ATAD3A: variants seen among roughly 807,000 people sequenced by gnomAD.
ATAD3A encodes ATPase family AAA domain-containing protein 3A.
In ATAD3A, 46 loss-of-function variants were observed where a neutral mutation model predicts 73.8. That is an observed-to-expected ratio of 0.62 (90% CI 0.49 to 0.80). The LOEUF is 0.80. Ranked by LOEUF, ATAD3A falls within the 30% of genes least tolerant of loss-of-function variation. The pLI is 0.00. For synonymous variants in ATAD3A, 319 were observed against 350.0 expected (o/e 0.91, Z 0.99); for missense variants, 705 against 838.0 (o/e 0.84, Z 1.96).
intron 1 of ATAD3A, among the ~76,000 whole-genome samples, chr1:1,513,822 C>A (rs534323573): frequency 2.0e-5 from 3 of 151,996 alleles, no homozygotes; most frequent in African/African-American, 7.3e-5. Context: ...GAGATTCGGC[C>A]GGAGCCCATT....
rs1168843536 is a variant in ATAD3A, at chr1:1,523,177, G to A, written c.906+278G>A. 3.3e-5 allele frequency among the ~76,000 whole-genome samples: 5 copies of A among 152,004 alleles called. No individual in the cohort carries two copies. Among genetic ancestry groups the A allele is most frequent in the South Asian group, 2.1e-4 (1 of 4,824 alleles). ...CTTGCAAGACCCGGGACTTGGGTGT[G>A]CGGCCGTCTATCAGGGAAGCTGCTA... On this transcript the variant is annotated intron_variant, in intron 8 of 15. Transcript: ENST00000378756. The surrounding 1 kb of genome is among the most constrained non-coding windows in gnomAD (Gnocchi z 5.1).
At chr1:1,532,617 C>G (rs1234269891) in intron 15 of ATAD3A, among the ~76,000 whole-genome samples, 1 of 152,200 alleles carries the variant, frequency 6.6e-6, no homozygotes, top group Non-Finnish European at 1.5e-5. Flanking sequence ...CTGCCAGGTC[C>G]CGTGCTTCCT....
chr1:1,523,980 T>C lies in ATAD3A; in HGVS notation c.1089+16T>C, dbSNP rs761918098. ...GTTTGCCAAGGTGAGAGCGCCTGGC[T>C]GAACAGGTGGGCCAGGGGCCGCTGG... On this transcript the variant is annotated intron_variant, in intron 10 of 15. Coordinates refer to ENST00000378756, the MANE Select transcript of ATAD3A (RefSeq NM_001170535.3). The surrounding 1 kb of genome is among the most constrained non-coding windows in gnomAD (Gnocchi z 5.1). 6.2e-7 allele frequency: 1 copy of C among 1,613,508 alleles called. No homozygotes were observed. Among genetic ancestry groups the C allele is most frequent in the East Asian group, 2.2e-5 (1 of 44,894 alleles).
chr1:1,529,162 C>T, intron 14 of ATAD3A, 61 bp from the exon 15 acceptor site: 1 of 1,590,020 alleles, frequency 6.3e-7, no homozygotes, highest in Middle Eastern at 1.7e-4. Flanking sequence ...GTCTTCCGGC[C>T]TCCACCTCGT....
At chr1:1,525,389 C>T (rs1388474155) in intron 12 of ATAD3A, 98 bp downstream of exon 12, 2 of 1,337,630 alleles carry the variant, frequency 1.5e-6, no homozygotes, top group Non-Finnish European at 1.0e-6. Context: ...TTCTTTTTCT[C>T]TGTAAGCTTT....
Position 1,534,057 on chromosome 1 carries a change from GCCCT to G in ATAD3A, c.1750_1753del (p.Ser584HisfsTer135). 1 of 1,613,602 alleles carries G rather than the reference GCCCT, an allele frequency of 6.2e-7. No homozygotes were observed. The highest frequency in any genetic ancestry group is 8.5e-7 in the Non-Finnish European group (1 of 1,179,916). ...CGGAAGGGCCTGGGCGTGGGGACGA[GCCCT>G]CCCCATCCTGAGTCCACAGGGAGAT... On this transcript the variant is annotated frameshift_variant, in exon 16 of 16. Transcript: ENST00000378756. LOFTEE classifies it high-confidence loss of function.
rs1177241811 is a variant in ATAD3A, at chr1:1,527,231, G to T, written c.1338-464G>T. 3.1e-6 allele frequency: 4 copies of T among 1,299,748 alleles called. No homozygotes were observed. In the East Asian group the frequency reaches 1.7e-4, roughly 55 times the overall value. 80.5% of individuals were successfully genotyped at this position (1,299,748 alleles called of 1,614,324 possible). Reference sequence around the variant, plus strand: ...GTGGCTGACTCCTCAGGCACGTTGGGCTCCCAGGTCAGCTGCTGCCGGTGG... The same window carrying T: ...GTGGCTGACTCCTCAGGCACGTTGGTCTCCCAGGTCAGCTGCTGCCGGTGG... On this transcript the variant is annotated intron_variant, in intron 13 of 15. Coordinates refer to ENST00000378756, the MANE Select transcript of ATAD3A (RefSeq NM_001170535.3).
intron 12 of ATAD3A, among the ~76,000 whole-genome samples, chr1:1,525,766 G>A (rs1012316084): frequency 4.6e-5 from 7 of 152,084 alleles, no homozygotes; most frequent in African/African-American, 1.7e-4. Flanking sequence ...GGAGTGCAGG[G>A]GCGATCACAG....
At chr1:1,525,646 C>T (rs1259850755) in intron 12 of ATAD3A, among the ~76,000 whole-genome samples, 3 of 152,130 alleles carry the variant, frequency 2.0e-5, no homozygotes, top group African/African-American at 4.8e-5. Flanking sequence ...GATCTCCTGA[C>T]CTCGTGATCC....
Position 1,534,236 on chromosome 1 carries a change from C to A in ATAD3A, c.*164C>A. On this transcript the variant is annotated 3_prime_UTR_variant, in exon 16 of 16. Transcript: ENST00000378756. ...TGTGGTGCGGGTCGGCCGTTCTGCC[C>A]CCCAGGGCACCCCCTGTTGTAGGCA... 1.3e-6 allele frequency: 2 copies of A among 1,495,962 alleles called. No individual in the cohort carries two copies. Among genetic ancestry groups the A allele is most frequent in the Non-Finnish European group, 1.8e-6 (2 of 1,126,704 alleles). 92.7% of individuals were successfully genotyped at this position (1,495,962 alleles called of 1,614,324 possible).
At chr1:1,517,497 G>T in intron 3 of ATAD3A, 85 bp downstream of exon 3, 1 of 1,149,352 alleles carries the variant, frequency 8.7e-7, no homozygotes, top group Non-Finnish European at 1.2e-6. Context: ...GTGGTCCCGG[G>T]GCACTCTGGA....
chr1:1,517,230 G>A lies in ATAD3A; in HGVS notation c.283-81G>A, dbSNP rs1295527713. Reference sequence around the variant, plus strand: ...CTGGGCATGGAGTCTCTGCCGTGCCGGAGCCGTGCAGACACAGGAGCGGCT... The same window carrying A: ...CTGGGCATGGAGTCTCTGCCGTGCCAGAGCCGTGCAGACACAGGAGCGGCT... On this transcript the variant is annotated intron_variant, in intron 2 of 15. Coordinates refer to ENST00000378756, the MANE Select transcript of ATAD3A (RefSeq NM_001170535.3). The A allele has an allele frequency of 1.6e-5, 25 of 1,545,788 alleles. No individual in the cohort carries two copies. The highest frequency in any genetic ancestry group is 5.1e-5 in the East Asian group (2 of 39,318).
intron 11 of ATAD3A, among the ~76,000 whole-genome samples, chr1:1,524,928 C>G (rs1435972725): frequency 6.6e-6 from 1 of 152,136 alleles, no homozygotes; most frequent in Admixed American, 6.5e-5. Context: ...CTTTAGAAGA[C>G]CTGTCCCTGT....
rs138594222 is a variant in ATAD3A, at chr1:1,516,035, C to G, written c.229C>G (p.Leu77Val). 713 of 1,614,068 alleles carry G rather than the reference C, an allele frequency of 4.4e-4. 4 individuals carry two copies. The highest frequency in any genetic ancestry group is 5.0e-4 in the Non-Finnish European group (595 of 1,179,944). The change falls in exon 2 of 16, where the codon CTG becomes GTG. Residue 77 changes from leucine (L) to valine (V), a missense_variant. Transcript: ENST00000378756. ...HSRYAKDALN[L>V]AQMQEQTLQL... is the part of the protein sequence containing the mutation. ...AGGTTATGCCAAGGACGCCCTGAAT[C>G]TGGCACAGATGCAGGAGCAGACGCT...
At chr1:1,527,303 T>A (rs1397182240) in intron 13 of ATAD3A, 12 of 1,170,296 alleles carry the variant, frequency 1.0e-5, no homozygotes, top group Admixed American at 3.0e-5. Flanking sequence ...GAGGCAAGGC[T>A]GGGGCCCTGC....
chr1:1,515,381 G>T (rs554741247), intron 1 of ATAD3A, among the ~76,000 whole-genome samples: 2 of 152,324 alleles, frequency 1.3e-5, no homozygotes, highest in South Asian at 4.1e-4. Flanking sequence ...CCAGCCAAAA[G>T]ATTTTTATGG....
rs377047513 is a variant in ATAD3A, at chr1:1,523,210, C to T, written c.907-301C>T. 3.1e-3 allele frequency among the ~76,000 whole-genome samples: 477 copies of T among 152,054 alleles called. 3 individuals are homozygous for T. The highest frequency in any genetic ancestry group is 0.011 in the South Asian group (55 of 4,818). On this transcript the variant is annotated intron_variant, in intron 8 of 15. Coordinates refer to ENST00000378756, the MANE Select transcript of ATAD3A (RefSeq NM_001170535.3). This position sits in a 1 kb window ranked among gnomAD's most constrained non-coding sequence, Gnocchi z 5.1. ...CTATCAGGGAAGCTGCTACAGGCCA[C>T]GGCGTCTGGTGGCCTCCCTGGGGAG...
intron 11 of ATAD3A, among the ~76,000 whole-genome samples, 190 bp from the exon 12 acceptor site, chr1:1,525,050 G>C (rs1214794491): frequency 6.6e-6 from 1 of 152,200 alleles, no homozygotes. Context: ...TTCTGAGGCT[G>C]GGCCGTGGTC....
In ATAD3A at chr1:1,524,399, T is replaced by A. The variant is rs1372512911; in HGVS notation, c.1214+2T>A. 1 of 1,599,932 alleles carries A rather than the reference T, an allele frequency of 6.3e-7. No homozygotes were observed. Among genetic ancestry groups the A allele is most frequent in the Non-Finnish European group, 8.5e-7 (1 of 1,176,050 alleles). On this transcript the variant is annotated splice_donor_variant, in intron 11 of 15. Transcript: ENST00000378756. LOFTEE classifies it high-confidence loss of function. The stretch of plus-strand genomic sequence containing the variant: ...CTGGGCCAATACCAGCCGGCGCGGG[T>A]GAGACGTCCCCACAGCATGCACCAG...
Sources: allele counts gnomAD v4.1 joint callset (sites outside exome capture counted in the v4.1 genomes callset), GRCh38; gene constraint gnomAD v4.1.1; non-coding constraint Gnocchi (gnomAD v3.1); transcripts MANE v1.5; gene names NCBI Gene and HGNC (gene_info 2026-07-23, HGNC 2026-07-21).